LEKR1: variants seen among roughly 807,000 people sequenced by gnomAD.
LEKR1 encodes protein LEKR1.
LEKR1 carries 59 observed loss-of-function variants against 72.4 expected under a neutral mutation model. That is an observed-to-expected ratio of 0.82 (90% CI 0.66 to 1.01). LEKR1 has a LOEUF of 1.01. LEKR1 is among the 50% of genes least tolerant of loss of function. LEKR1 has a pLI of 0.00. For missense variants in LEKR1, 728 were observed against 759.2 expected (o/e 0.96, Z 0.48); for synonymous variants, 257 against 263.2 (o/e 0.98, Z 0.23).
intron 12 of LEKR1, among the ~76,000 whole-genome samples, chr3:157,031,659 C>T (rs1182661174): frequency 6.6e-6 from 1 of 152,068 alleles, no homozygotes; most frequent in African/African-American, 2.4e-5. Context: ...GCATTCCAGA[C>T]ACTTGAAATT....
At chr3:156,933,170 G>A (rs1291238005) in intron 5 of LEKR1, among the ~76,000 whole-genome samples, 2 of 152,100 alleles carry the variant, frequency 1.3e-5, no homozygotes, top group African/African-American at 4.8e-5. Flanking sequence ...GAGGAATCTT[G>A]CTTCTGCCAC....
At chr3:156,832,015 T>A (rs1712479188) in intron 2 of LEKR1, among the ~76,000 whole-genome samples, 1 of 152,240 alleles carries the variant, frequency 6.6e-6, no homozygotes, top group South Asian at 2.1e-4. Context: ...CACTGTAACT[T>A]CTTCCTGCTC....
chr3:157,042,942 C>T (rs1412098885), intron 12 of LEKR1, among the ~76,000 whole-genome samples: 1 of 152,116 alleles, frequency 6.6e-6, no homozygotes, highest in East Asian at 1.9e-4. Context: ...ATTGTAATCC[C>T]CAGTGTTGGA....
intron 3 of LEKR1, among the ~76,000 whole-genome samples, chr3:156,875,992 C>CAAAAAAAAAAAAAAAAAAAAAAAAA (rs55816001): frequency 1.4e-5 from 1 of 70,180 alleles, no homozygotes; most frequent in Non-Finnish European, 2.6e-5. Flanking sequence ...GACTCCATCT[C>CAAAAAAAAAAAAAAAAAAAAAAAAA]AAAAAAAAAA....
chr3:156,918,365 T>A (rs1483009546), intron 3 of LEKR1, among the ~76,000 whole-genome samples: 1 of 152,162 alleles, frequency 6.6e-6, no homozygotes, highest in East Asian at 1.9e-4. Context: ...GCCATGTATC[T>A]AAGTTCAGTA....
At chr3:157,038,472 TC>T (rs1735117893) in intron 12 of LEKR1, among the ~76,000 whole-genome samples, 1 of 152,188 alleles carries the variant, frequency 6.6e-6, no homozygotes, top group African/African-American at 2.4e-5. Context: ...TTTGGACAAT[TC>T]CACATGTAGC....
chr3:157,027,193 T>A (rs1001781991), intron 11 of LEKR1, among the ~76,000 whole-genome samples: 13 of 151,938 alleles, frequency 8.6e-5, no homozygotes, highest in Non-Finnish European at 1.5e-4. Flanking sequence ...TTTTTTTTTT[T>A]AAATTTGAGA....
At chr3:156,980,248 A>G (rs949485253) in intron 7 of LEKR1, among the ~76,000 whole-genome samples, 3 of 152,216 alleles carry the variant, frequency 2.0e-5, no homozygotes, top group African/African-American at 4.8e-5. Flanking sequence ...TGTGTTGACC[A>G]TGAACTACTC....
intron 10 of LEKR1, among the ~76,000 whole-genome samples, chr3:157,021,206 A>C (rs914812848): frequency 1.3e-5 from 2 of 151,940 alleles, no homozygotes. Flanking sequence ...TAGGTTGTGA[A>C]AATTTTCTCC....
chr3:156,848,342 C>T (rs915169039), intron 2 of LEKR1, among the ~76,000 whole-genome samples: 3 of 152,086 alleles, frequency 2.0e-5, no homozygotes, highest in Non-Finnish European at 2.9e-5. Context: ...CCATAAATTA[C>T]AACCAATGAA....
intron 2 of LEKR1, among the ~76,000 whole-genome samples, chr3:156,837,326 T>A (rs1035740896): frequency 6.6e-6 from 1 of 152,206 alleles, no homozygotes; most frequent in African/African-American, 2.4e-5. Context: ...ACATTTGGGA[T>A]GAAGAGTGTG....
intron 12 of LEKR1, among the ~76,000 whole-genome samples, chr3:157,042,107 T>C (rs2108048346): frequency 6.6e-6 from 1 of 152,332 alleles, no homozygotes; most frequent in East Asian, 1.9e-4. Flanking sequence ...ATAATCTCAA[T>C]TTTAGAGGAG....
intron 3 of LEKR1, among the ~76,000 whole-genome samples, chr3:156,877,776 TTTTA>T (rs752058467): frequency 2.0e-5 from 3 of 152,042 alleles, no homozygotes; most frequent in Admixed American, 6.5e-5. Context: ...TTTCCTTTAT[TTTTA>T]TTTATTTATT....
chr3:156,842,081 T>C (rs565682793), intron 2 of LEKR1, among the ~76,000 whole-genome samples: 133 of 152,272 alleles, frequency 8.7e-4, no homozygotes, highest in African/African-American at 3.0e-3. Flanking sequence ...GTGGAACAAT[T>C]TCATCCCAAA....
At chr3:156,915,225 A>C in intron 3 of LEKR1, among the ~76,000 whole-genome samples, 1 of 151,978 alleles carries the variant, frequency 6.6e-6, no homozygotes, top group East Asian at 1.9e-4. Context: ...ACGCATGCAA[A>C]TGTCTTTATG....
intron 3 of LEKR1, among the ~76,000 whole-genome samples, chr3:156,884,587 AG>A (rs1479614384): frequency 2.0e-5 from 3 of 152,224 alleles, no homozygotes; most frequent in African/African-American, 7.2e-5. Flanking sequence ...ATTTGGCTTC[AG>A]GAAGCTAAAG....
intron 3 of LEKR1, among the ~76,000 whole-genome samples, chr3:156,884,460 G>A (rs940259274): frequency 1.3e-5 from 2 of 151,904 alleles, no homozygotes; most frequent in South Asian, 2.1e-4. Context: ...AGCATTTCTT[G>A]TAGTAATGGC....
intron 3 of LEKR1, among the ~76,000 whole-genome samples, chr3:156,900,858 A>G (rs1273639159): frequency 6.6e-6 from 1 of 152,178 alleles, no homozygotes; most frequent in Admixed American, 6.5e-5. Flanking sequence ...AGAGCATACA[A>G]TATCTTGTTG....
chr3:156,870,999 A>C (rs1717866653), intron 3 of LEKR1, among the ~76,000 whole-genome samples: 1 of 151,990 alleles, frequency 6.6e-6, no homozygotes, highest in Non-Finnish European at 1.5e-5. Context: ...GTACATGTGC[A>C]CAATGTGCAG....
Sources: allele counts gnomAD v4.1 joint callset (sites outside exome capture counted in the v4.1 genomes callset), GRCh38; gene constraint gnomAD v4.1.1; transcripts MANE v1.5; gene names NCBI Gene and HGNC (gene_info 2026-07-23, HGNC 2026-07-21).